The following SHISA6 variants were observed in gnomAD, a reference collection of about 807,000 sequenced individuals.
The protein encoded by SHISA6 is protein shisa-6.
SHISA6 carries 22 observed loss-of-function variants against 47.9 expected under a neutral mutation model. That is an observed-to-expected ratio of 0.46 (90% CI 0.33 to 0.66). The LOEUF (loss-of-function observed/expected upper bound fraction) is 0.66, where lower values mean the gene tolerates loss of function less well. Ranked by LOEUF, SHISA6 falls within the 30% of genes least tolerant of loss-of-function variation. The pLI, the probability that SHISA6 is intolerant of heterozygous loss-of-function variation, is 0.02. For synonymous variants in SHISA6, 388 were observed against 337.8 expected, an observed-to-expected ratio of 1.15 and a Z score of -1.63; for missense variants, 680 against 764.6, an observed-to-expected ratio of 0.89 and a Z score of 1.30.
At chr17:11,443,297 C>G (rs1229202638) in intron 3 of SHISA6, among the ~76,000 whole-genome samples, 1 of 152,074 alleles carries the variant, frequency 6.6e-6, no homozygotes, top group East Asian at 1.9e-4. Context: ...AAGAGTGGGC[C>G]CATGGAACAT....
Position 11,241,428 on chromosome 17 carries a change from G to C in SHISA6, c.6G>C (p.Ala2=). 1 of 1,179,490 alleles carries C rather than the reference G, an allele frequency of 8.5e-7. No individual in the cohort carries two copies. The highest frequency in any genetic ancestry group is 1.8e-5 in the South Asian group (1 of 55,604). The allele number at this position is 1,179,490 out of a possible 1,614,324, so 73.1% of individuals were successfully genotyped here. A position where few individuals can be genotyped will look rare whatever the true frequency, so the allele number is the denominator to read the frequency against. The change falls in exon 1 of 6, where the codon GCG becomes GCC. Residue 2 remains alanine (A), a synonymous_variant. Coordinates refer to ENST00000441885, the MANE Select transcript of SHISA6 (RefSeq NM_207386.4). The surrounding 1 kb of genome is among the most constrained non-coding windows in gnomAD (Gnocchi z 5.5). ...CCCTCCCGCCCGGCCCCGCCATGGC[G>C]CTGCGGCGCCTCCTGCTGCTGCTGC... M[A]LRRLLLLLLL... is the part of the protein sequence containing the mutation.
chr17:11,353,636 G>T lies in SHISA6; in HGVS notation c.800-25778G>T, dbSNP rs977184972. On this transcript the variant is annotated intron_variant, in intron 2 of 5. Coordinates refer to ENST00000441885, the MANE Select transcript of SHISA6 (RefSeq NM_207386.4). ...AGCTCTAGAAAAACCCTGGGAACAG[G>T]TCTGCCCGTAGCCACAAGGACCCTC... Among the ~76,000 whole-genome samples the T allele has an allele frequency of 4.6e-5, 7 of 152,130 alleles. No homozygotes were observed. In the East Asian group the frequency reaches 7.7e-4, roughly 17 times the overall value.
chr17:11,491,390 T>C (rs534983955), intron 3 of SHISA6, among the ~76,000 whole-genome samples: 1 of 152,136 alleles, frequency 6.6e-6, no homozygotes, highest in South Asian at 2.1e-4. Context: ...AGCCTTCAAC[T>C]CACAGGTTCA....
chr17:11,342,488 T>C (rs1051442913), intron 2 of SHISA6, among the ~76,000 whole-genome samples: 1 of 152,092 alleles, frequency 6.6e-6, no homozygotes, highest in African/African-American at 2.4e-5. Context: ...CAAAGGGTCT[T>C]CGTGAGCTCC....
chr17:11,350,178 A>ATTTTTTTT (rs199879665), intron 2 of SHISA6, among the ~76,000 whole-genome samples: 3 of 101,148 alleles, frequency 3.0e-5, no homozygotes, highest in African/African-American at 1.2e-4. Context: ...TTATTTATTT[A>ATTTTTTTT]TTTATTTTTT....
intron 2 of SHISA6, among the ~76,000 whole-genome samples, chr17:11,329,866 G>GTA (rs1181819316): frequency 6.6e-6 from 1 of 152,008 alleles, no homozygotes; most frequent in Non-Finnish European, 1.5e-5. Context: ...AGCGCACCTG[G>GTA]ATCAAGGTGC....
In SHISA6 at chr17:11,474,091, T is replaced by C. The variant is rs141799508; in HGVS notation, c.896-77805T>C. Among the ~76,000 whole-genome samples the C allele has an allele frequency of 8.1e-4, 123 of 152,266 alleles. 2 individuals carry two copies. The East Asian group carries it at 0.023, about 28-fold the overall frequency. Reference sequence around the variant, plus strand: ...TGTCCCTGCAAAGGACATTATCTCATTCTTTCTTTTTATGGCTGCATAGTA... The same window carrying C: ...TGTCCCTGCAAAGGACATTATCTCACTCTTTCTTTTTATGGCTGCATAGTA... On this transcript the variant is annotated intron_variant, in intron 3 of 5. Coordinates refer to ENST00000441885, the MANE Select transcript of SHISA6 (RefSeq NM_207386.4).
chr17:11,528,096 T>C (rs2071701445), intron 3 of SHISA6, among the ~76,000 whole-genome samples: 2 of 152,162 alleles, frequency 1.3e-5, no homozygotes, highest in African/African-American at 4.8e-5. Flanking sequence ...TTTGGGGGGT[T>C]GGGGGTACTT....
chr17:11,432,359 G>C (rs1228137917), intron 3 of SHISA6, among the ~76,000 whole-genome samples: 2 of 152,170 alleles, frequency 1.3e-5, no homozygotes, highest in African/African-American at 2.4e-5. Context: ...TGTAAGTTCT[G>C]CTTTGCTGCC....
chr17:11,314,962 G>A (rs1001464315), intron 2 of SHISA6, among the ~76,000 whole-genome samples: 1 of 152,092 alleles, frequency 6.6e-6, no homozygotes, highest in African/African-American at 2.4e-5. Context: ...TTCTCTTTAT[G>A]ACTTCTAGAA....
At chr17:11,278,970 G>A (rs1057185170) in intron 2 of SHISA6, among the ~76,000 whole-genome samples, 4 of 152,126 alleles carry the variant, frequency 2.6e-5, no homozygotes, top group East Asian at 1.9e-4. Context: ...GGTGCACTTC[G>A]GGGCCATTTA....
At chr17:11,548,033 T>C (rs1211096702) in intron 3 of SHISA6, among the ~76,000 whole-genome samples, 1 of 152,020 alleles carries the variant, frequency 6.6e-6, no homozygotes, top group Non-Finnish European at 1.5e-5. Flanking sequence ...ATTACATAGT[T>C]AAGAATGTGG....
At chr17:11,291,083 T>G (rs768073825) in intron 2 of SHISA6, among the ~76,000 whole-genome samples, 18 of 152,008 alleles carry the variant, frequency 1.2e-4, no homozygotes, top group Non-Finnish European at 2.6e-4. Context: ...AGCTATGTAT[T>G]CAGAAACTTC....
At chr17:11,462,686 G>A (rs893452869) in intron 3 of SHISA6, among the ~76,000 whole-genome samples, 1 of 151,900 alleles carries the variant, frequency 6.6e-6, no homozygotes, top group Non-Finnish European at 1.5e-5. Flanking sequence ...AGAGTGCAAT[G>A]GCACGATCTC....
intron 3 of SHISA6, among the ~76,000 whole-genome samples, chr17:11,396,576 G>A (rs891378403): frequency 2.6e-5 from 4 of 152,110 alleles, no homozygotes; most frequent in African/African-American, 9.7e-5. Flanking sequence ...TGTCTTCCAC[G>A]ACGGTTGAAC....
chr17:11,340,088 AC>A (rs1447493185), intron 2 of SHISA6, among the ~76,000 whole-genome samples: 1 of 152,196 alleles, frequency 6.6e-6, no homozygotes, highest in Non-Finnish European at 1.5e-5. Flanking sequence ...TATTCCCCCT[AC>A]CATTTCAAAA....
intron 3 of SHISA6, among the ~76,000 whole-genome samples, chr17:11,403,763 A>T (rs536214648): frequency 1.3e-5 from 2 of 152,346 alleles, no homozygotes; most frequent in East Asian, 1.9e-4. Flanking sequence ...GGATACTTTT[A>T]AAAAAGCAAC....
At chr17:11,483,802 A>G (rs944045393) in intron 3 of SHISA6, among the ~76,000 whole-genome samples, 2 of 152,074 alleles carry the variant, frequency 1.3e-5, no homozygotes, top group African/African-American at 4.8e-5. Context: ...TAAAAAAATT[A>G]AAAATTTGCT....
chr17:11,525,104 G>A (rs745996365), intron 3 of SHISA6, among the ~76,000 whole-genome samples: 15 of 152,140 alleles, frequency 9.9e-5, no homozygotes, highest in South Asian at 2.1e-4. Flanking sequence ...GGCAAAAGAG[G>A]ATTTAAAAGG....
Sources: gnomAD v4.1 joint callset for allele counts (sites outside exome capture counted in the v4.1 genomes callset) on GRCh38, gnomAD v4.1.1 for gene constraint, Gnocchi (gnomAD v3.1) non-coding constraint, MANE v1.5 for transcripts, NCBI Gene and HGNC (gene_info 2026-07-23, HGNC 2026-07-21) for gene names.